STMN4: variants seen among roughly 807,000 people sequenced by gnomAD.
The protein encoded by STMN4 is stathmin 4.
A neutral mutation model predicts 29.1 loss-of-function variants in STMN4; 12 were observed. That is an observed-to-expected ratio of 0.41 (90% CI 0.26 to 0.67). The LOEUF (loss-of-function observed/expected upper bound fraction) is 0.67. Among genes scored for constraint, STMN4 ranks in the 30% least tolerant of loss-of-function variants. The pLI is 0.30. For synonymous variants in STMN4, 114 were observed against 105.3 expected (o/e 1.08, Z -0.51); for missense variants, 181 against 262.8 (o/e 0.69, Z 2.15).
rs147151486 is a variant in STMN4, at chr8:27,254,442, G to T, written c.-79+3909C>A. Among the ~76,000 whole-genome samples, 365 of 152,248 alleles carry T rather than the reference G, an allele frequency of 2.4e-3. 1 individual carries two copies. Among genetic ancestry groups the T allele is most frequent in the African/African-American group, 8.2e-3 (342 of 41,542 alleles). On this transcript the variant is annotated intron_variant, in intron 1 of 6. Transcript: ENST00000350889. ...CATGAATCAGGCCATCCAGCCCCAGGCTCCCGCCTTTTCTGATCTGTTCTG... is the reference window on the plus strand; with the variant it reads ...CATGAATCAGGCCATCCAGCCCCAGTCTCCCGCCTTTTCTGATCTGTTCTG...
intron 1 of STMN4, among the ~76,000 whole-genome samples, chr8:27,246,637 G>A (rs1801630892): frequency 6.6e-6 from 1 of 152,160 alleles, no homozygotes; most frequent in Admixed American, 6.5e-5. Flanking sequence ...AAACCCAATG[G>A]CAAGTGTCCT....
Position 27,236,813 on chromosome 8 carries a change from G to C in STMN4, c.*33C>G. On this transcript the variant is annotated 3_prime_UTR_variant, in exon 7 of 7. Coordinates refer to ENST00000350889, the MANE Select transcript of STMN4 (RefSeq NM_030795.4). Reference sequence around the variant, plus strand: ...GAACGTGGAGCTGCTGGAGCTGTCCGGCTGACCTGGAAAGTTCTTTGGCCT... The same window carrying C: ...GAACGTGGAGCTGCTGGAGCTGTCCCGCTGACCTGGAAAGTTCTTTGGCCT... 1 of 1,571,574 alleles carries C rather than the reference G, an allele frequency of 6.4e-7. No individual in the cohort carries two copies. The highest frequency in any genetic ancestry group is 2.3e-5 in the East Asian group (1 of 42,614).
chr8:27,242,084 A>G, intron 3 of STMN4: 1 of 557,648 alleles, frequency 1.8e-6, no homozygotes, highest in Non-Finnish European at 3.2e-6. Context: ...GATGTTCCCC[A>G]CAGGTAGAAT....
intron 6 of STMN4, among the ~76,000 whole-genome samples, chr8:27,237,370 T>C (rs934956401): frequency 3.3e-5 from 5 of 152,246 alleles, no homozygotes; most frequent in African/African-American, 9.6e-5. Flanking sequence ...TTTGTGAGAA[T>C]TGCCTTAACC....
rs117787668 is a variant in STMN4, at chr8:27,241,787, C to T, written c.110-30G>A. ...ACAGAAAAAACAACCTCAGGTCATC[C>T]GAGCATGCCTGTTCCTTGGTGCCAG... On this transcript the variant is annotated intron_variant, in intron 3 of 6. Coordinates refer to ENST00000350889, the MANE Select transcript of STMN4 (RefSeq NM_030795.4). 3.2e-5 allele frequency: 52 copies of T among 1,613,058 alleles called. No individual in the cohort carries two copies. The African/African-American group carries it at 5.1e-4, about 16-fold the overall frequency.
chr8:27,256,922 T>A (rs13268735), intron 1 of STMN4, among the ~76,000 whole-genome samples: 144,150 of 152,142 alleles, frequency 0.95, 68,558 homozygotes, highest in Non-Finnish European at 0.98. Flanking sequence ...TCTATGGTAG[T>A]CCCATCTAGC....
At position 27,243,742 on chromosome 8, in the gene STMN4, C is replaced by A; in HGVS notation, c.-19G>T. On this transcript the variant is annotated 5_prime_UTR_variant, in exon 2 of 7. Coordinates refer to ENST00000350889, the MANE Select transcript of STMN4 (RefSeq NM_030795.4). ...GGGTCATGTTTCTGGGATCTGGTGG[C>A]TGAATCTAGCTGAAAGTTACAGAGT... 1 of 1,614,182 alleles carries A rather than the reference C, an allele frequency of 6.2e-7. No individual in the cohort carries two copies. The highest frequency in any genetic ancestry group is 8.5e-7 in the Non-Finnish European group (1 of 1,180,030).
chr8:27,248,050 A>G (rs1457574634), intron 1 of STMN4, among the ~76,000 whole-genome samples: 1 of 152,092 alleles, frequency 6.6e-6, no homozygotes, highest in Non-Finnish European at 1.5e-5. Flanking sequence ...AATATCCAGA[A>G]CCAGAGCTAG....
Position 27,236,734 on chromosome 8 carries a change from C to G in STMN4, c.*112G>C. 1.0e-6 allele frequency: 1 copy of G among 983,436 alleles called. No homozygotes were observed. The highest frequency in any genetic ancestry group is 1.4e-6 in the Non-Finnish European group (1 of 699,566). The allele number at this position is 983,436 out of a possible 1,614,324, so 60.9% of individuals were successfully genotyped here. ...GCAGAGGAAACGCCCCTTGGCCACC[C>G]CCCTCCCCCCAAACCCCAGTGCTGG... On this transcript the variant is annotated 3_prime_UTR_variant, in exon 7 of 7. Coordinates refer to ENST00000350889, the MANE Select transcript of STMN4 (RefSeq NM_030795.4).
At position 27,239,392 on chromosome 8, in the gene STMN4, C is replaced by T. The variant is rs1256307857; in HGVS notation, c.591+579G>A. Reference sequence around the variant, plus strand: ...GTTCTCAGCAGAACGGGCCGGTATTCTGCTGACACACAGAACCAACCCCGG... The same window carrying T: ...GTTCTCAGCAGAACGGGCCGGTATTTTGCTGACACACAGAACCAACCCCGG... On this transcript the variant is annotated intron_variant, in intron 6 of 6. Coordinates refer to ENST00000350889, the MANE Select transcript of STMN4 (RefSeq NM_030795.4). 8.9e-6 allele frequency: 11 copies of T among 1,240,054 alleles called. No individual in the cohort carries two copies. The Admixed American group carries it at 2.5e-4, about 28-fold the overall frequency. 76.8% of individuals were successfully genotyped at this position (1,240,054 alleles called of 1,614,324 possible). A position where few individuals can be genotyped will look rare whatever the true frequency, so the allele number is the denominator to read the frequency against.
intron 1 of STMN4, among the ~76,000 whole-genome samples, chr8:27,251,369 A>C (rs1801781225): frequency 6.6e-6 from 1 of 150,734 alleles, no homozygotes; most frequent in African/African-American, 2.4e-5. Flanking sequence ...AAGAATCAGC[A>C]TCACAGAAGT....
intron 3 of STMN4, 126 bp downstream of exon 3, chr8:27,242,271 T>C (rs1801497146): frequency 2.1e-6 from 2 of 956,706 alleles, no homozygotes; most frequent in Non-Finnish European, 3.2e-6. Flanking sequence ...TGTGATTTCA[T>C]CGGCACTGGG....
chr8:27,254,676 G>A (rs1481101502), intron 1 of STMN4, among the ~76,000 whole-genome samples: 1 of 150,370 alleles, frequency 6.7e-6, no homozygotes, highest in Non-Finnish European at 1.5e-5. Context: ...GGGTTCATGT[G>A]TGTGTAGGGG....
At chr8:27,242,097 C>G (rs1170838222) in intron 3 of STMN4, 1 of 560,852 alleles carries the variant, frequency 1.8e-6, no homozygotes, top group Admixed American at 3.1e-5. Context: ...GGTAGAATAT[C>G]TGTCTGGCTC....
chr8:27,251,566 A>G (rs1483472219), intron 1 of STMN4, among the ~76,000 whole-genome samples: 3 of 151,902 alleles, frequency 2.0e-5, no homozygotes, highest in African/African-American at 7.2e-5. Context: ...ATCTATAGGC[A>G]TATGTGCATC....
At chr8:27,243,878 T>G in intron 1 of STMN4, 77 bp from the exon 2 acceptor site, 1 of 1,327,154 alleles carries the variant, frequency 7.5e-7, no homozygotes, top group Non-Finnish European at 1.1e-6. Context: ...CTTTATACAC[T>G]GGGGAGGGAA....
chr8:27,236,743 C>A lies in STMN4; in HGVS notation c.*103G>T, dbSNP rs556247800. On this transcript the variant is annotated 3_prime_UTR_variant, in exon 7 of 7. Transcript: ENST00000350889. The stretch of plus-strand genomic sequence containing the variant: ...ACGCCCCTTGGCCACCCCCCTCCCC[C>A]CAAACCCCAGTGCTGGGAGCGCAGC... 1.8e-5 allele frequency: 21 copies of A among 1,154,610 alleles called. No individual in the cohort carries two copies. The highest frequency in any genetic ancestry group is 2.1e-5 in the Non-Finnish European group (18 of 849,810). 71.5% of individuals were successfully genotyped at this position (1,154,610 alleles called of 1,614,324 possible).
intron 1 of STMN4, among the ~76,000 whole-genome samples, chr8:27,257,838 T>C (rs1801987340): frequency 6.6e-6 from 1 of 152,032 alleles, no homozygotes; most frequent in Admixed American, 6.5e-5. Context: ...GAGGTGATGA[T>C]CTCATTGCAT....
At chr8:27,239,027 A>G (rs571498222) in intron 6 of STMN4, among the ~76,000 whole-genome samples, 104 of 152,302 alleles carry the variant, frequency 6.8e-4, no homozygotes, top group Non-Finnish European at 1.2e-3. Flanking sequence ...CCTCCCTCCC[A>G]TGTGACACTT....
Sources: gnomAD v4.1 joint callset for allele counts (sites outside exome capture counted in the v4.1 genomes callset) on GRCh38, gnomAD v4.1.1 for gene constraint, MANE v1.5 for transcripts, NCBI Gene and HGNC (gene_info 2026-07-23, HGNC 2026-07-21) for gene names.